Variants in PEBP4 observed in about 807,000 individuals in gnomAD.
PEBP4 encodes the protein phosphatidylethanolamine binding protein 4, also known as phosphatidylethanolamine-binding protein 4.
PEBP4 carries 22 observed loss-of-function variants against 23.9 expected under a neutral mutation model. The observed-to-expected ratio is 0.92, with a 90% CI of 0.66 to 1.31. The LOEUF (loss-of-function observed/expected upper bound fraction) is 1.31, where lower values mean the gene tolerates loss of function less well. Among genes scored for constraint, PEBP4 ranks in the 40% most tolerant of loss-of-function variants. The pLI is 0.00. For missense variants in PEBP4, 324 were observed against 281.7 expected, an observed-to-expected ratio of 1.15 and a Z score of -1.07; for synonymous variants, 112 against 99.3, an observed-to-expected ratio of 1.13 and a Z score of -0.76.
intron 3 of PEBP4, among the ~76,000 whole-genome samples, chr8:22,874,800 T>G (rs141914876): frequency 6.6e-6 from 1 of 152,218 alleles, no homozygotes; most frequent in African/African-American, 2.4e-5. Flanking sequence ...AATGTAATGC[T>G]GCAAAGAAAA....
chr8:22,905,732 C>T (rs1808798184), intron 3 of PEBP4, among the ~76,000 whole-genome samples: 2 of 152,192 alleles, frequency 1.3e-5, no homozygotes, highest in African/African-American at 4.8e-5. Flanking sequence ...GCCTGCTGCT[C>T]CCACCTCACA....
chr8:22,924,902 A>G, intron 2 of PEBP4: 3 of 985,376 alleles, frequency 3.0e-6, no homozygotes, highest in South Asian at 4.7e-5. Flanking sequence ...AGCTTGTCAC[A>G]GTACATAAAA....
chr8:22,930,509 GA>G (rs1809438969), upstream of PEBP4, among the ~76,000 whole-genome samples: 1 of 152,100 alleles, frequency 6.6e-6, no homozygotes, highest in Non-Finnish European at 1.5e-5. Flanking sequence ...GGAGTATATA[GA>G]AGCTTAATAA....
Position 22,782,046 on chromosome 8 carries a change from C to G in PEBP4, c.357+35591G>C, listed in dbSNP as rs1292323223. Among the ~76,000 whole-genome samples, 14 of 152,310 alleles carry G rather than the reference C, an allele frequency of 9.2e-5. No individual in the cohort carries two copies. In the East Asian group the frequency reaches 2.7e-3, roughly 29 times the overall value. On this transcript the variant is annotated intron_variant, in intron 4 of 6. Coordinates refer to ENST00000256404, the MANE Select transcript of PEBP4 (RefSeq NM_144962.3). ...TGGGATTCCGTCTTGTTCTTTCAGTCACTCTGTGGCTTTCTCACTATTGCT... is the reference window on the plus strand; with the variant it reads ...TGGGATTCCGTCTTGTTCTTTCAGTGACTCTGTGGCTTTCTCACTATTGCT...
chr8:22,913,475 C>T (rs1416771143), intron 3 of PEBP4, among the ~76,000 whole-genome samples: 2 of 152,178 alleles, frequency 1.3e-5, no homozygotes, highest in African/African-American at 2.4e-5. Context: ...TGCCTCTTCC[C>T]CCTGCAGTAG....
intron 3 of PEBP4, among the ~76,000 whole-genome samples, chr8:22,838,139 G>C (rs757533471): frequency 6.6e-6 from 1 of 151,998 alleles, no homozygotes; most frequent in Non-Finnish European, 1.5e-5. Flanking sequence ...GGGCTCCAGC[G>C]ATCCTCTCAC....
At chr8:22,801,807 G>A (rs974160728) in intron 4 of PEBP4, among the ~76,000 whole-genome samples, 2 of 151,624 alleles carry the variant, frequency 1.3e-5, no homozygotes, top group Admixed American at 6.6e-5. Flanking sequence ...ACCAAACTCC[G>A]CTCTCCCTCC....
chr8:22,776,201 A>G (rs1425299464), intron 4 of PEBP4, among the ~76,000 whole-genome samples: 1 of 152,210 alleles, frequency 6.6e-6, no homozygotes, highest in African/African-American at 2.4e-5. Flanking sequence ...CACCCTTCCT[A>G]GCAGAGAGAT....
At chr8:22,820,214 G>A (rs1806829797) in intron 3 of PEBP4, among the ~76,000 whole-genome samples, 1 of 152,150 alleles carries the variant, frequency 6.6e-6, no homozygotes, top group Non-Finnish European at 1.5e-5. Flanking sequence ...AGGAAGTTTG[G>A]GGACAGAGAA....
At chr8:22,871,573 T>TA (rs1808008262) in intron 3 of PEBP4, among the ~76,000 whole-genome samples, 1 of 149,930 alleles carries the variant, frequency 6.7e-6, no homozygotes, top group South Asian at 2.1e-4. Flanking sequence ...TTTTTTTTTT[T>TA]AAGACCGAGT....
chr8:22,936,813 C>G (rs1247819677), intron 1 of PEBP4, among the ~76,000 whole-genome samples: 1 of 152,142 alleles, frequency 6.6e-6, no homozygotes, highest in Non-Finnish European at 1.5e-5. Context: ...AAAAACCAAT[C>G]AACATAATAC....
upstream of PEBP4, chr8:22,928,048 G>A (rs1209993158): frequency 1.1e-5 from 3 of 282,842 alleles, no homozygotes; most frequent in African/African-American, 2.3e-5. Flanking sequence ...GCTTATATAA[G>A]CTCCTCGGTG....
At chr8:22,908,739 C>T (rs1808869791) in intron 3 of PEBP4, among the ~76,000 whole-genome samples, 1 of 152,128 alleles carries the variant, frequency 6.6e-6, no homozygotes, top group Non-Finnish European at 1.5e-5. Flanking sequence ...CTCAGGAAGC[C>T]TGAGGGGAGG....
chr8:22,831,397 A>G (rs1807081492), intron 3 of PEBP4, among the ~76,000 whole-genome samples: 1 of 152,212 alleles, frequency 6.6e-6, no homozygotes, highest in Non-Finnish European at 1.5e-5. Flanking sequence ...TATTCCCAGT[A>G]GAGTACAGTG....
rs367735787 is a variant in PEBP4, at chr8:22,805,319, C to T, written c.357+12318G>A. Reference sequence around the variant, plus strand: ...TGTAGGTTCACGGATTGTTAGCAATCGCGTGTTTTGTTTTGTTTTGTTTTG... The same window carrying T: ...TGTAGGTTCACGGATTGTTAGCAATTGCGTGTTTTGTTTTGTTTTGTTTTG... On this transcript the variant is annotated intron_variant, in intron 4 of 6. Transcript: ENST00000256404. Among the ~76,000 whole-genome samples the T allele has an allele frequency of 4.0e-5, 6 of 151,804 alleles. No individual in the cohort carries two copies. The East Asian group carries it at 5.8e-4, about 15-fold the overall frequency.
chr8:22,795,132 T>C (rs1806216883), intron 4 of PEBP4, among the ~76,000 whole-genome samples: 1 of 134,638 alleles, frequency 7.4e-6, no homozygotes, highest in African/African-American at 2.8e-5. Flanking sequence ...TGTGTATATA[T>C]ATGTGTGTGT....
chr8:22,932,787 C>G (rs775477004), upstream of PEBP4, among the ~76,000 whole-genome samples: 25 of 152,264 alleles, frequency 1.6e-4, no homozygotes, highest in Admixed American at 1.3e-4. Flanking sequence ...GGCAGATCAT[C>G]TGAGGTCAGG....
At chr8:22,880,104 GGA>G (rs1403697486) in intron 3 of PEBP4, among the ~76,000 whole-genome samples, 1 of 152,208 alleles carries the variant, frequency 6.6e-6, no homozygotes, top group African/African-American at 2.4e-5. Flanking sequence ...GGGATGGGGA[GGA>G]GAGAGCCGCC....
chr8:22,785,810 G>A (rs11991347), intron 4 of PEBP4, among the ~76,000 whole-genome samples: 63,623 of 152,004 alleles, frequency 0.42, 15,019 homozygotes, highest in Middle Eastern at 0.61. Flanking sequence ...AGAGCAGACC[G>A]ACAGGCAAAC....
Sources: gnomAD v4.1 joint callset for allele counts (sites outside exome capture counted in the v4.1 genomes callset) on GRCh38, gnomAD v4.1.1 for gene constraint, MANE v1.5 for transcripts, NCBI Gene and HGNC (gene_info 2026-07-23, HGNC 2026-07-21) for gene names.